Variants in BABAM2 observed in about 807,000 individuals in gnomAD.
BABAM2 encodes BRISC and BRCA1-A complex member 2.
In BABAM2, 31 loss-of-function variants were observed where a neutral mutation model predicts 54.7. The ratio of observed to expected loss-of-function variants is 0.57; its 90% CI spans 0.43 to 0.77. The LOEUF (loss-of-function observed/expected upper bound fraction) is 0.77. Among genes scored for constraint, BABAM2 ranks in the 30% least tolerant of loss-of-function variants. The pLI, the probability that BABAM2 is intolerant of heterozygous loss-of-function variation, is 0.00. For synonymous variants in BABAM2, 167 were observed against 162.9 expected (o/e 1.03, Z -0.19); for missense variants, 364 against 455.8 (o/e 0.80, Z 1.83).
intron 7 of BABAM2, among the ~76,000 whole-genome samples, chr2:28,220,335 TA>T (rs1680287478): frequency 6.6e-6 from 1 of 152,166 alleles, no homozygotes; most frequent in African/African-American, 2.4e-5. Context: ...AAGGGTTAAA[TA>T]AAGATAAATA....
chr2:27,895,313 A>G (rs775181378), intron 2 of BABAM2, among the ~76,000 whole-genome samples: 1 of 152,134 alleles, frequency 6.6e-6, no homozygotes, highest in Non-Finnish European at 1.5e-5. Context: ...TCCAATCATC[A>G]TGTCTCCTTA....
At chr2:28,082,143 C>T (rs773937232) in intron 6 of BABAM2, among the ~76,000 whole-genome samples, 1 of 152,162 alleles carries the variant, frequency 6.6e-6, no homozygotes, top group Admixed American at 6.5e-5. Flanking sequence ...GAAGAACAAG[C>T]CATTCACCCT....
At position 28,295,517 on chromosome 2, in the gene BABAM2, C is replaced by T. The variant is rs114539830; in HGVS notation, c.935-2821C>T. Among the ~76,000 whole-genome samples, 1,076 of 150,840 alleles carry T rather than the reference C, an allele frequency of 7.1e-3. 9 individuals carry two copies. Among genetic ancestry groups the T allele is most frequent in the African/African-American group, 0.025 (1,016 of 41,116 alleles). ...TGTGAATAGGCTTTTTTTTTTGAGA[C>T]GGAGTTTTTCTCTTGTTGCTCAAGC... On this transcript the variant is annotated intron_variant, in intron 10 of 11. Coordinates refer to ENST00000379624, the MANE Select transcript of BABAM2 (RefSeq NM_199191.3).
At chr2:28,308,953 T>C (rs1444548820) in intron 11 of BABAM2, 1 of 152,334 alleles carries the variant, frequency 6.6e-6, no homozygotes, top group East Asian at 1.9e-4. Flanking sequence ...GTGTTGCTAA[T>C]TTTAAAAATA....
intron 3 of BABAM2, among the ~76,000 whole-genome samples, chr2:27,974,721 C>G (rs1460826165): frequency 2.6e-5 from 4 of 151,934 alleles, no homozygotes; most frequent in African/African-American, 9.7e-5. Flanking sequence ...TTTCCCAAAT[C>G]CTATATAACA....
intron 11 of BABAM2, among the ~76,000 whole-genome samples, chr2:28,299,012 C>T (rs558932695): frequency 7.2e-5 from 11 of 152,258 alleles, no homozygotes; most frequent in African/African-American, 2.6e-4. Flanking sequence ...AGTAAACAAA[C>T]AATTTTTGCT....
chr2:28,175,724 C>T (rs1386811073), intron 7 of BABAM2, among the ~76,000 whole-genome samples: 2 of 152,320 alleles, frequency 1.3e-5, no homozygotes, highest in Non-Finnish European at 2.9e-5. Flanking sequence ...TGTCCACACT[C>T]CAGCCTACCA....
At chr2:28,181,645 G>T (rs868647906) in intron 7 of BABAM2, among the ~76,000 whole-genome samples, 4 of 152,024 alleles carry the variant, frequency 2.6e-5, no homozygotes, top group Non-Finnish European at 5.9e-5. Flanking sequence ...CACATTCTGT[G>T]CATGTAACAA....
intron 6 of BABAM2, among the ~76,000 whole-genome samples, chr2:28,105,307 A>G (rs1667425569): frequency 6.6e-6 from 1 of 152,216 alleles, no homozygotes; most frequent in Non-Finnish European, 1.5e-5. Flanking sequence ...TTACCCACTG[A>G]TGAAAACTAG....
At chr2:28,222,927 G>A (rs779040208) in intron 7 of BABAM2, among the ~76,000 whole-genome samples, 2 of 152,202 alleles carry the variant, frequency 1.3e-5, no homozygotes, top group African/African-American at 2.4e-5. Flanking sequence ...CCGCAGGCCC[G>A]CCCCGCACTC....
At chr2:28,102,233 G>A (rs540784243) in intron 6 of BABAM2, among the ~76,000 whole-genome samples, 1 of 152,288 alleles carries the variant, frequency 6.6e-6, no homozygotes, top group African/African-American at 2.4e-5. Context: ...TTTTCACTGT[G>A]CTTGGGTAAT....
At chr2:28,283,610 G>A (rs1233936860) in intron 10 of BABAM2, among the ~76,000 whole-genome samples, 1 of 152,136 alleles carries the variant, frequency 6.6e-6, no homozygotes, top group African/African-American at 2.4e-5. Flanking sequence ...GAAGGTCTGT[G>A]GTACATAGAT....
chr2:28,336,057 G>C (rs1311913901), intron 11 of BABAM2, among the ~76,000 whole-genome samples: 1 of 152,224 alleles, frequency 6.6e-6, no homozygotes, highest in Admixed American at 6.5e-5. Context: ...CAGGCTGAGA[G>C]TTTGGAGGAC....
chr2:28,139,169 T>C (rs1670808603), intron 7 of BABAM2, among the ~76,000 whole-genome samples: 1 of 151,704 alleles, frequency 6.6e-6, no homozygotes, highest in Non-Finnish European at 1.5e-5. Context: ...GGCTCACGTC[T>C]ATAATCCCAG....
chr2:28,155,811 G>T (rs1289164126), intron 7 of BABAM2, among the ~76,000 whole-genome samples: 7 of 152,142 alleles, frequency 4.6e-5, no homozygotes. Context: ...ACCACCAGAT[G>T]GGGTTATCAG....
At chr2:27,965,896 C>A (rs890578522) in intron 3 of BABAM2, among the ~76,000 whole-genome samples, 3 of 150,704 alleles carry the variant, frequency 2.0e-5, no homozygotes, top group Non-Finnish European at 3.0e-5. Context: ...ATTTCTTTGC[C>A]TTCTCTTCAT....
intron 2 of BABAM2, among the ~76,000 whole-genome samples, chr2:27,913,406 G>A (rs575819959): frequency 9.2e-5 from 14 of 152,118 alleles, no homozygotes; most frequent in East Asian, 1.9e-4. Flanking sequence ...CTATCTCAGA[G>A]GGGCAACAGT....
At chr2:28,263,653 A>G (rs56042419) in intron 10 of BABAM2, among the ~76,000 whole-genome samples, 20,237 of 152,184 alleles carry the variant, frequency 0.13, 1,659 homozygotes, top group African/African-American at 0.23. Context: ...GGAGTTGGGG[A>G]GCACAGTACA....
chr2:28,120,871 AC>A (rs2148749724), intron 6 of BABAM2, among the ~76,000 whole-genome samples: 1 of 152,334 alleles, frequency 6.6e-6, no homozygotes, highest in East Asian at 1.9e-4. Context: ...TTAAAGCCAC[AC>A]CAATTAAGAA....
Sources: allele counts gnomAD v4.1 joint callset (sites outside exome capture counted in the v4.1 genomes callset), GRCh38; gene constraint gnomAD v4.1.1; transcripts MANE v1.5; gene names NCBI Gene and HGNC (gene_info 2026-07-23, HGNC 2026-07-21).